The following PCDHA9 variants were observed in gnomAD, a reference collection of about 807,000 sequenced individuals.
PCDHA9 encodes protocadherin alpha 9, also known as protocadherin alpha-9.
Under a neutral mutation model 62.0 loss-of-function variants are expected in PCDHA9, and 62 were observed. That is an observed-to-expected ratio of 1.00 (90% CI 0.81 to 1.23). The LOEUF (loss-of-function observed/expected upper bound fraction) is 1.23. Among genes scored for constraint, PCDHA9 ranks in the 50% most tolerant of loss-of-function variants. The pLI is 0.00. For missense variants in PCDHA9, 1,205 were observed against 1,249.8 expected (o/e 0.96, Z 0.54); for synonymous variants, 557 against 567.6 (o/e 0.98, Z 0.27).
chr5:140,896,092 TG>T (rs2065379013), intron 1 of PCDHA9, among the ~76,000 whole-genome samples: 1 of 152,194 alleles, frequency 6.6e-6, no homozygotes, highest in Non-Finnish European at 1.5e-5. Context: ...ATTACAGGCG[TG>T]AGCCACTGTG....
intron 1 of PCDHA9, chr5:140,881,257 C>T (rs2058639669): frequency 2.0e-6 from 1 of 512,572 alleles, no homozygotes; most frequent in Non-Finnish European, 2.5e-6. Context: ...CAAGGTTTTA[C>T]TCAGTGATGA....
intron 1 of PCDHA9, chr5:140,875,971 C>A (rs17844352): frequency 1.1e-5 from 17 of 1,614,030 alleles, no homozygotes; most frequent in Non-Finnish European, 1.4e-5. Flanking sequence ...CGTAAACTCT[C>A]TTTTGACCTA....
intron 3 of PCDHA9, among the ~76,000 whole-genome samples, chr5:141,000,395 CTATATA>C (rs1190667031): frequency 5.7e-4 from 31 of 53,962 alleles, no homozygotes; most frequent in Admixed American, 2.5e-3. Flanking sequence ...CTCTCTCTCT[CTATATA>C]TATATATATA....
intron 1 of PCDHA9, among the ~76,000 whole-genome samples, chr5:140,961,366 C>T (rs1384222732): frequency 6.6e-6 from 1 of 152,144 alleles, no homozygotes; most frequent in Non-Finnish European, 1.5e-5. Context: ...CATTAGAATT[C>T]TCCTTCTAGT....
At chr5:140,882,655 C>T in intron 1 of PCDHA9, 5 of 1,614,196 alleles carry the variant, frequency 3.1e-6, no homozygotes, top group Non-Finnish European at 4.2e-6. Context: ...TTAACGACAA[C>T]CCGCCCATAT....
At chr5:140,863,216 C>A (rs781920741) in intron 1 of PCDHA9, 5 of 1,084,226 alleles carry the variant, frequency 4.6e-6, no homozygotes, top group African/African-American at 1.6e-5. Context: ...AGCAGCCAAG[C>A]GAGGAAGGTC....
chr5:140,854,220 C>A, intron 1 of PCDHA9: 2 of 616,474 alleles, frequency 3.2e-6, no homozygotes, highest in Non-Finnish European at 4.0e-6. Context: ...TATTGGACAT[C>A]TACATTGGGA....
chr5:141,004,461 A>C (rs1160733381), intron 3 of PCDHA9, among the ~76,000 whole-genome samples: 1 of 152,216 alleles, frequency 6.6e-6, no homozygotes, highest in Non-Finnish European at 1.5e-5. Context: ...CAGGAAGCTC[A>C]GTGACATGTT....
At chr5:140,929,183 C>G (rs148631412) in intron 1 of PCDHA9, 1 of 1,614,144 alleles carries the variant, frequency 6.2e-7, no homozygotes, top group East Asian at 2.2e-5. Flanking sequence ...GGACTTGGTT[C>G]TGATAATAAC....
chr5:140,860,471 C>T (rs566732753), intron 1 of PCDHA9: 1 of 152,040 alleles, frequency 6.6e-6, no homozygotes, highest in Admixed American at 6.6e-5. Context: ...ACAGTTGGTG[C>T]AGTAGTACTT....
chr5:140,882,717 C>G (rs1311295002), intron 1 of PCDHA9: 1 of 1,614,102 alleles, frequency 6.2e-7, no homozygotes, highest in South Asian at 1.1e-5. Flanking sequence ...CCTCCGGAAA[C>G]TCGATTTCCA....
At chr5:140,870,318 G>T in intron 1 of PCDHA9, 1 of 1,614,178 alleles carries the variant, frequency 6.2e-7, no homozygotes, top group Non-Finnish European at 8.5e-7. Context: ...ATTACTACTC[G>T]TTGGTGCTGG....
intron 1 of PCDHA9, chr5:140,870,613 T>C (rs1562647895): frequency 1.2e-6 from 2 of 1,613,078 alleles, no homozygotes; most frequent in Non-Finnish European, 1.7e-6. Flanking sequence ...CCGCGCGCTG[T>C]CGAGCTACGT....
chr5:140,877,507 T>G, intron 1 of PCDHA9: 1 of 1,613,744 alleles, frequency 6.2e-7, no homozygotes, highest in Non-Finnish European at 8.5e-7. Flanking sequence ...CCCAAAGACG[T>G]CGTCGCGGGC....
Position 140,850,791 on chromosome 5 carries a change from A to C in PCDHA9, c.2296A>C (p.Lys766Gln). The C allele has an allele frequency of 6.3e-7, 1 of 1,598,378 alleles. No individual in the cohort carries two copies. The highest frequency in any genetic ancestry group is 8.6e-7 in the Non-Finnish European group (1 of 1,167,808). Residue 766 changes from lysine (K) to glutamine (Q), a missense_variant, in exon 1 of 4, where the codon AAG (lysine) becomes CAG (glutamine). Physicochemically the swap from Lys to Gln is moderately conservative, Grantham distance 53. This residue lies in a region of PCDHA9 where 887 missense variants were observed against 809.5 expected (regional missense o/e 1.10). Transcript: ENST00000532602. ...QRVCSGEGKQKTDLMAFSPGL... is the reference protein window; with the variant it reads ...QRVCSGEGKQQTDLMAFSPGL... ...GGTGTGCTCTGGCGAGGGTAAGCAG[A>C]AGACCGACCTCATGGCCTTCAGCCC...
intron 1 of PCDHA9, among the ~76,000 whole-genome samples, chr5:140,962,617 G>A (rs189225320): frequency 3.8e-4 from 58 of 152,276 alleles, no homozygotes; most frequent in Non-Finnish European, 1.9e-4. Context: ...GAGGAAGGGA[G>A]ATGTGAAAAA....
chr5:140,876,190 C>A (rs782463342), intron 1 of PCDHA9: 1 of 1,613,936 alleles, frequency 6.2e-7, no homozygotes, highest in Non-Finnish European at 8.5e-7. Context: ...TGACAATGGT[C>A]CGGCGTTTGA....
At chr5:140,956,784 G>T (rs549737881) in intron 1 of PCDHA9, among the ~76,000 whole-genome samples, 373 of 152,090 alleles carry the variant, frequency 2.5e-3, no homozygotes, top group Non-Finnish European at 3.7e-3. Flanking sequence ...CCTGGGCTTT[G>T]TTTGCTTGGT....
At chr5:140,959,494 T>G (rs2153722388) in intron 1 of PCDHA9, among the ~76,000 whole-genome samples, 1 of 152,286 alleles carries the variant, frequency 6.6e-6, no homozygotes, top group South Asian at 2.1e-4. Flanking sequence ...TATATATGGA[T>G]CAAACTAAAA....
Sources: allele counts gnomAD v4.1 joint callset (sites outside exome capture counted in the v4.1 genomes callset), GRCh38; gene constraint gnomAD v4.1.1; regional missense constraint gnomAD v4.1.1; transcripts MANE v1.5; gene names NCBI Gene and HGNC (gene_info 2026-07-23, HGNC 2026-07-21).